The following ADGRL2 variants were observed in gnomAD, a reference collection of about 807,000 sequenced individuals.
ADGRL2 encodes calcium-independent alpha-latrotoxin receptor 2.
Under a neutral mutation model 157.4 loss-of-function variants are expected in ADGRL2, and 44 were observed. That is an observed-to-expected ratio of 0.28 (90% CI 0.22 to 0.36). The LOEUF (loss-of-function observed/expected upper bound fraction) is 0.36, where lower values mean the gene tolerates loss of function less well. Ranked by LOEUF, ADGRL2 falls within the 10% of genes least tolerant of loss-of-function variation. The pLI is 1.00. For synonymous variants in ADGRL2, 585 were observed against 624.7 expected, an observed-to-expected ratio of 0.94 and a Z score of 0.95; for missense variants, 1,510 against 1,768.9, an observed-to-expected ratio of 0.85 and a Z score of 2.63.
At chr1:81,778,138 G>A (rs554535990) in intron 2 of ADGRL2, among the ~76,000 whole-genome samples, 31 of 152,204 alleles carry the variant, frequency 2.0e-4, no homozygotes, top group Middle Eastern at 3.4e-3. Flanking sequence ...GGCTAACACC[G>A]TGAAACCCTG....
chr1:81,956,055 A>G lies in ADGRL2; in HGVS notation c.2012A>G (p.Asn671Ser). 6.3e-7 allele frequency: 1 copy of G among 1,589,088 alleles called. No individual in the cohort carries two copies. Among genetic ancestry groups the G allele is most frequent in the Admixed American group, 1.8e-5 (1 of 54,640 alleles). ...EPTRVSMPTENIVLEVAVLST... is the reference protein window; with the variant it reads ...EPTRVSMPTESIVLEVAVLST... Reference sequence around the variant, plus strand: ...ACAAGGGTCTCAATGCCCACAGAAAATATTGGTAAGTGAATCTACTGTCAA... The same window carrying G: ...ACAAGGGTCTCAATGCCCACAGAAAGTATTGGTAAGTGAATCTACTGTCAA... Residue 671 changes from asparagine (N) to serine (S), a missense_variant, in exon 11 of 24, where the codon AAT (asparagine) becomes AGT (serine). Physicochemically the swap from Asn to Ser is conservative, Grantham distance 46. Around this residue, in one of 4 missense-constraint regions of ADGRL2, gnomAD observed 325 missense variants for 333.2 expected, o/e 0.98. Coordinates refer to ENST00000686636, the MANE Select transcript of ADGRL2 (RefSeq NM_001366006.2).
chr1:81,480,423 G>A (rs1346550012), intron 2 of ADGRL2, among the ~76,000 whole-genome samples: 2 of 152,116 alleles, frequency 1.3e-5, no homozygotes, highest in Non-Finnish European at 2.9e-5. Context: ...TTCTTAGTTG[G>A]TCAGTTAAGA....
intron 1 of ADGRL2, among the ~76,000 whole-genome samples, chr1:81,739,633 A>C (rs1330897935): frequency 6.6e-6 from 1 of 152,244 alleles, no homozygotes; most frequent in Non-Finnish European, 1.5e-5. Context: ...ATATTAAATA[A>C]TTAAAATAAA....
chr1:81,682,487 T>C (rs1448605877), intron 3 of ADGRL2, among the ~76,000 whole-genome samples: 1 of 152,168 alleles, frequency 6.6e-6, no homozygotes, highest in Non-Finnish European at 1.5e-5. Flanking sequence ...TGTGTCTCTT[T>C]GGATGTGAGG....
chr1:81,834,321 T>C (rs190976783), intron 1 of ADGRL2, among the ~76,000 whole-genome samples: 2 of 152,318 alleles, frequency 1.3e-5, no homozygotes, highest in East Asian at 3.9e-4. Context: ...TTTTCTGGTT[T>C]TGTTATTTGT....
chr1:81,521,217 A>G (rs749504693), intron 2 of ADGRL2, among the ~76,000 whole-genome samples: 24 of 152,346 alleles, frequency 1.6e-4, no homozygotes, highest in Middle Eastern at 3.4e-3. Flanking sequence ...CTTTAAAGCT[A>G]TGCACTTACT....
chr1:81,315,097 T>C (rs1447841390), intron 1 of ADGRL2, among the ~76,000 whole-genome samples: 1 of 152,174 alleles, frequency 6.6e-6, no homozygotes, highest in African/African-American at 2.4e-5. Context: ...CATCTTTAGT[T>C]TGATTCAGAA....
chr1:81,944,789 A>G (rs184229233), intron 6 of ADGRL2, among the ~76,000 whole-genome samples: 422 of 152,146 alleles, frequency 2.8e-3, no homozygotes, highest in African/African-American at 9.7e-3. Flanking sequence ...TCTTAAAGCA[A>G]TGCAAGTACA....
upstream of ADGRL2, chr1:81,306,157 T>C (rs982664757): frequency 6.6e-6 from 1 of 152,260 alleles, no homozygotes; most frequent in Non-Finnish European, 1.5e-5. Flanking sequence ...TCCGATCTCG[T>C]GTCTGTTTCT....
chr1:81,636,259 A>G (rs1457468758), intron 3 of ADGRL2, among the ~76,000 whole-genome samples: 5 of 152,194 alleles, frequency 3.3e-5, no homozygotes, highest in Admixed American at 1.3e-4. Context: ...AAGTGTATAT[A>G]TATGTGCATA....
At chr1:81,808,456 T>C (rs1007386219) in intron 1 of ADGRL2, among the ~76,000 whole-genome samples, 2 of 143,522 alleles carry the variant, frequency 1.4e-5, no homozygotes, top group African/African-American at 5.0e-5. Context: ...GAGTTTTTTC[T>C]TTCTGCTTTT....
chr1:81,661,294 G>A (rs150531496), intron 3 of ADGRL2, among the ~76,000 whole-genome samples: 109 of 152,232 alleles, frequency 7.2e-4, no homozygotes, highest in African/African-American at 2.6e-3. Context: ...CAATTTGTTA[G>A]TAACATTACA....
At chr1:81,844,811 C>T (rs892503290) in intron 2 of ADGRL2, among the ~76,000 whole-genome samples, 8 of 152,258 alleles carry the variant, frequency 5.3e-5, no homozygotes, top group Admixed American at 3.3e-4. Flanking sequence ...GCAGAAACAA[C>T]ATTTATAATC....
intron 1 of ADGRL2, among the ~76,000 whole-genome samples, chr1:81,326,639 G>T (rs1186967770): frequency 6.6e-6 from 1 of 152,140 alleles, no homozygotes; most frequent in Non-Finnish European, 1.5e-5. Flanking sequence ...ATTTGCTCTA[G>T]GGACAGAAAT....
At chr1:81,885,292 A>G (rs1039565982) in intron 2 of ADGRL2, among the ~76,000 whole-genome samples, 3 of 152,192 alleles carry the variant, frequency 2.0e-5, no homozygotes, top group African/African-American at 4.8e-5. Flanking sequence ...TGACTCTTTT[A>G]ACCTGATGTT....
In ADGRL2 at chr1:81,402,620, C is replaced by T. The variant is rs113211490; in HGVS notation, c.-301-42416C>T. 5.9e-4 allele frequency among the ~76,000 whole-genome samples: 90 copies of T among 152,292 alleles called. 3 individuals are homozygous for T. The highest frequency in any genetic ancestry group is 6.8e-3 in the Middle Eastern group (2 of 294). ...AAAACAAAAATTCCTCCTGAACTTC[C>T]TACCCTCCTCTGAAACAAAATAACT... On this transcript the variant is annotated intron_variant, in intron 1 of 24. Transcript: ENST00000370721.
chr1:81,610,229 G>GGTT (rs1557503906), intron 3 of ADGRL2, among the ~76,000 whole-genome samples: 15 of 127,394 alleles, frequency 1.2e-4, no homozygotes, highest in Middle Eastern at 4.3e-3. Flanking sequence ...TGGCTTGGAG[G>GGTT]TTTTTTTTTT....
intron 3 of ADGRL2, among the ~76,000 whole-genome samples, chr1:81,663,853 T>C (rs975935930): frequency 6.6e-6 from 1 of 152,194 alleles, no homozygotes; most frequent in Non-Finnish European, 1.5e-5. Flanking sequence ...ACAGTACTTC[T>C]TGTATATGAT....
At chr1:81,557,021 C>CAA (rs150664851) in intron 2 of ADGRL2, 1,562 of 147,120 alleles carry the variant, frequency 0.011, 23 homozygotes, top group African/African-American at 0.033. Context: ...GACTCCGTCT[C>CAA]AAAAAAAAAA....
Sources: allele counts gnomAD v4.1 joint callset (sites outside exome capture counted in the v4.1 genomes callset), GRCh38; gene constraint gnomAD v4.1.1; regional missense constraint gnomAD v4.1.1; transcripts MANE v1.5; gene names NCBI Gene and HGNC (gene_info 2026-07-23, HGNC 2026-07-21).